MYO19: variants seen among roughly 807,000 people sequenced by gnomAD.
The protein encoded by MYO19 is unconventional myosin-XIX.
A neutral mutation model predicts 129.2 loss-of-function variants in MYO19; 132 were observed. The ratio of observed to expected loss-of-function variants is 1.02; its 90% CI spans 0.89 to 1.18. MYO19 has a LOEUF of 1.18. MYO19 is among the 50% of genes most tolerant of loss of function. The probability of loss-of-function intolerance (pLI) is 0.00; values close to 1 mark genes in which losing one functional copy is unlikely to be tolerated. For missense variants in MYO19, 1,210 were observed against 1,216.7 expected (o/e 0.99, Z 0.08); for synonymous variants, 531 against 477.2 (o/e 1.11, Z -1.47).
At chr17:36,538,643 T>C (rs2074177282), upstream of MYO19, 1 of 1,483,726 alleles carries the variant, frequency 6.7e-7, no homozygotes, top group Non-Finnish European at 9.2e-7. Flanking sequence ...ATATAAGTAT[T>C]TGGGCAATAT....
intron 24 of MYO19, 169 bp from the exon 25 acceptor site, chr17:36,498,728 A>G (rs1344644689): frequency 4.3e-6 from 3 of 695,458 alleles, no homozygotes; most frequent in Non-Finnish European, 7.1e-6. Flanking sequence ...CCACAAGTCT[A>G]TACACCCCAG....
intron 11 of MYO19, 150 bp downstream of exon 11, chr17:36,513,279 C>T (rs921719358): frequency 1.3e-6 from 2 of 1,515,470 alleles, no homozygotes; most frequent in African/African-American, 2.8e-5. Context: ...CTCAGCAGAA[C>T]AGAGGTGACT....
chr17:36,498,014 TAGA>T (rs2071160043), intron 25 of MYO19: 1 of 501,712 alleles, frequency 2.0e-6, no homozygotes, highest in African/African-American at 1.9e-5. Context: ...GAAATGGGAC[TAGA>T]AGATTTAGAG....
At position 36,495,968 on chromosome 17, in the gene MYO19, G is replaced by A; in HGVS notation, c.*283C>T. On this transcript the variant is annotated 3_prime_UTR_variant, in exon 26 of 26. Transcript: ENST00000614623. ...AGTGTAGTGACAGACAGTCATGACT[G>A]CTGCTGAGTTTGATCTGTGAAGGTA... The A allele has an allele frequency of 1.1e-6, 1 of 885,672 alleles. No individual in the cohort carries two copies. Among genetic ancestry groups the A allele is most frequent in the Non-Finnish European group, 1.5e-6 (1 of 653,904 alleles). 54.9% of individuals were successfully genotyped at this position (885,672 alleles called of 1,614,324 possible).
intron 25 of MYO19, 47 bp from the exon 26 acceptor site, chr17:36,496,453 G>A: frequency 6.3e-7 from 1 of 1,594,614 alleles, no homozygotes; most frequent in South Asian, 1.1e-5. Flanking sequence ...TCCTGGGAGT[G>A]CCAGGGCCTA....
chr17:36,535,860 C>T (rs2074104059), upstream of MYO19, among the ~76,000 whole-genome samples: 1 of 151,644 alleles, frequency 6.6e-6, no homozygotes, highest in Non-Finnish European at 1.5e-5. Flanking sequence ...CTTAAGCGAT[C>T]CTCTCTCCTC....
upstream of MYO19, chr17:36,535,570 T>A (rs1042658337): frequency 2.6e-5 from 4 of 152,224 alleles, no homozygotes; most frequent in Non-Finnish European, 5.9e-5. Context: ...GACCGTCTGC[T>A]GGGGGCGCCG....
At chr17:36,502,967 C>G (rs2142844660) in intron 21 of MYO19, 130 bp downstream of exon 21, 1 of 757,824 alleles carries the variant, frequency 1.3e-6, no homozygotes, top group African/African-American at 1.7e-5. Context: ...TCTGTTTCCC[C>G]CACTGAACCA....
intron 2 of MYO19, among the ~76,000 whole-genome samples, chr17:36,541,051 CG>C (rs1025364108): frequency 6.6e-6 from 1 of 151,866 alleles, no homozygotes; most frequent in African/African-American, 2.4e-5. Context: ...TGCAGTGGCA[CG>C]ATCTCCTGCC....
upstream of MYO19, among the ~76,000 whole-genome samples, chr17:36,543,612 T>C (rs1003099916): frequency 6.6e-6 from 1 of 152,152 alleles, no homozygotes; most frequent in Non-Finnish European, 1.5e-5. Context: ...TAAGACTCCA[T>C]GTGATAACCA....
At chr17:36,536,038 A>G (rs1030948464), upstream of MYO19, among the ~76,000 whole-genome samples, 6 of 151,626 alleles carry the variant, frequency 4.0e-5, no homozygotes, top group Admixed American at 3.3e-4. Flanking sequence ...ACATTTAGAA[A>G]CTCTAGGTTC....
chr17:36,514,407 T>C (rs774170106), intron 9 of MYO19, 39 bp downstream of exon 9: 1 of 1,340,296 alleles, frequency 7.5e-7, no homozygotes. Flanking sequence ...CCCATCCCTG[T>C]CTCGCATCTG....
Position 36,498,288 on chromosome 17 carries a change from G to C in MYO19, c.2735C>G (p.Thr912Arg), listed in dbSNP as rs766196541. Residue 912 changes from threonine to arginine, a missense_variant, in exon 25 of 26, where the codon ACG becomes AGG. By Grantham distance (71) the Thr-to-Arg change is moderately conservative. Coordinates refer to ENST00000614623, the MANE Select transcript of MYO19 (RefSeq NM_001163735.2). ...TACCTGAGGCAGCGCTCGGATGGAC[G>C]TGACACCAGCCTGGTCTTGTGCTGT... Reference protein sequence around the residue: ...VQTAQDQAGVTSIRALPQGSI... With the variant: ...VQTAQDQAGVRSIRALPQGSI... 24 of 1,612,726 alleles carry C rather than the reference G, an allele frequency of 1.5e-5. No individual in the cohort carries two copies. The highest frequency in any genetic ancestry group is 2.0e-5 in the Non-Finnish European group (23 of 1,179,178).
chr17:36,504,973 G>A (rs2071779596), intron 19 of MYO19: 1 of 494,294 alleles, frequency 2.0e-6, no homozygotes, highest in Non-Finnish European at 3.8e-6. Flanking sequence ...GCACTGTGCG[G>A]GGACTGTGTG....
chr17:36,512,260 C>T (rs1405017496), intron 11 of MYO19, among the ~76,000 whole-genome samples: 1 of 150,472 alleles, frequency 6.6e-6, no homozygotes, highest in Non-Finnish European at 1.5e-5. Context: ...TGTGGTGGCA[C>T]ATGCCTGTAA....
At chr17:36,513,378 G>C in intron 11 of MYO19, 51 bp downstream of exon 11, 1 of 1,613,854 alleles carries the variant, frequency 6.2e-7, no homozygotes, top group Non-Finnish European at 8.5e-7. Flanking sequence ...TCTATGCAAA[G>C]GGCTGCCCGT....
At chr17:36,532,040 A>G (rs952134711) in intron 3 of MYO19, among the ~76,000 whole-genome samples, 9 of 152,220 alleles carry the variant, frequency 5.9e-5, no homozygotes, top group African/African-American at 2.2e-4. Flanking sequence ...CATGGGGATC[A>G]TGTAACCCAT....
chr17:36,525,380 C>T, intron 5 of MYO19, 39 bp from the exon 6 acceptor site: 5 of 1,425,154 alleles, frequency 3.5e-6, no homozygotes, highest in Non-Finnish European at 4.9e-6. Flanking sequence ...TGAGGGAATG[C>T]CTGTTTTTCA....
In MYO19 at chr17:36,495,909, C is replaced by T. The variant is rs557685293; in HGVS notation, c.*342G>A. On this transcript the variant is annotated 3_prime_UTR_variant, in exon 26 of 26. Transcript: ENST00000614623. ...ATTTTAGGCCAACTTTGGCTGTTTT[C>T]TTCCAAAAGTGCTTATGTGGAATTG... 2.4e-4 allele frequency: 282 copies of T among 1,186,604 alleles called. No homozygotes were observed. Among genetic ancestry groups the T allele is most frequent in the South Asian group, 5.1e-4 (12 of 23,690 alleles). 73.5% of individuals were successfully genotyped at this position (1,186,604 alleles called of 1,614,324 possible). A position where few individuals can be genotyped will look rare whatever the true frequency, so the allele number is the denominator to read the frequency against.
Sources: gnomAD v4.1 joint callset for allele counts (sites outside exome capture counted in the v4.1 genomes callset) on GRCh38, gnomAD v4.1.1 for gene constraint, MANE v1.5 for transcripts, NCBI Gene and HGNC (gene_info 2026-07-23, HGNC 2026-07-21) for gene names.